NACC2: variants seen among roughly 807,000 people sequenced by gnomAD.
NACC2 encodes nucleus accumbens-associated protein 2.
A neutral mutation model predicts 25.1 loss-of-function variants in NACC2; 8 were observed. That is an observed-to-expected ratio of 0.32 (90% CI 0.19 to 0.57). The LOEUF is 0.57. Among genes scored for constraint, NACC2 ranks in the 20% least tolerant of loss-of-function variants. The pLI is 0.89. For synonymous variants in NACC2, 435 were observed against 294.7 expected (o/e 1.48, Z -4.88); for missense variants, 644 against 650.2 (o/e 0.99, Z 0.10).
At position 136,061,202 on chromosome 9, in the gene NACC2, G is replaced by C. The variant is rs140186110; in HGVS notation, c.-59-10622C>G. 8.6e-3 allele frequency among the ~76,000 whole-genome samples: 1,316 copies of C among 152,270 alleles called. 9 individuals are homozygous for C. Among genetic ancestry groups the C allele is most frequent in the Middle Eastern group, 0.034 (10 of 294 alleles). On this transcript the variant is annotated intron_variant, in intron 1 of 5. Coordinates refer to ENST00000277554, the MANE Select transcript of NACC2 (RefSeq NM_144653.5). ...AGCTCAGACTGTGCCGGCTACCGGG[G>C]TCTCCCACTGCCTGGTCGGGAGGGA... is the stretch of plus-strand genomic sequence containing the variant.
At chr9:136,024,410 G>A (rs1237249542) in intron 2 of NACC2, among the ~76,000 whole-genome samples, 1 of 146,374 alleles carries the variant, frequency 6.8e-6, no homozygotes, top group African/African-American at 2.5e-5. Flanking sequence ...AGGACAGAGT[G>A]TGTGTGTGTG....
At chr9:136,024,507 G>GTT (rs1840355812) in intron 2 of NACC2, among the ~76,000 whole-genome samples, 1 of 65,706 alleles carries the variant, frequency 1.5e-5, no homozygotes, top group Non-Finnish European at 3.5e-5. Flanking sequence ...GACAGAATGT[G>GTT]TGTGTGTGTG....
chr9:136,011,194 G>C lies in NACC2; in HGVS notation c.*322C>G, dbSNP rs1840099987. On this transcript the variant is annotated 3_prime_UTR_variant, in exon 6 of 6. Coordinates refer to ENST00000277554, the MANE Select transcript of NACC2 (RefSeq NM_144653.5). ...CAGGAAGGGCAGGGAGGAAGGGGCA[G>C]GGCTGGGCACCAGGGGCCTGGCGGC... The C allele has an allele frequency of 5.0e-6, 1 of 201,306 alleles. No homozygotes were observed. The highest frequency in any genetic ancestry group is 9.9e-6 in the Non-Finnish European group (1 of 101,288). The allele number at this position is 201,306 out of a possible 1,614,324, so 12.5% of individuals were successfully genotyped here. A position where few individuals can be genotyped will look rare whatever the true frequency, so the allele number is the denominator to read the frequency against.
intron 1 of NACC2, among the ~76,000 whole-genome samples, chr9:136,082,962 G>A (rs1830339297): frequency 6.6e-6 from 1 of 152,244 alleles, no homozygotes; most frequent in East Asian, 1.9e-4. Context: ...AGATATCAGG[G>A]CGAGGGGGAA....
chr9:136,042,934 A>G (rs1840665573), intron 2 of NACC2, among the ~76,000 whole-genome samples: 5 of 151,526 alleles, frequency 3.3e-5, no homozygotes, highest in Admixed American at 3.3e-4. Flanking sequence ...AGACACACAC[A>G]GAGACAGACA....
intron 1 of NACC2, among the ~76,000 whole-genome samples, chr9:136,062,745 T>A (rs1196423704): frequency 6.6e-6 from 1 of 151,986 alleles, no homozygotes; most frequent in Non-Finnish European, 1.5e-5. Flanking sequence ...CGAAACCCCA[T>A]CTCTACAAAA....
intron 2 of NACC2, among the ~76,000 whole-genome samples, chr9:136,026,522 G>A (rs529382257): frequency 3.9e-5 from 6 of 152,154 alleles, no homozygotes; most frequent in South Asian, 2.1e-4. Flanking sequence ...TCCCCAGACC[G>A]ACCAAGGACA....
At chr9:136,051,363 A>AC in intron 1 of NACC2, among the ~76,000 whole-genome samples, 1 of 151,492 alleles carries the variant, frequency 6.6e-6, no homozygotes, top group Non-Finnish European at 1.5e-5. Flanking sequence ...GACGCCCCCC[A>AC]CCCCGCTCGC....
At chr9:136,053,180 A>T (rs1181068406) in intron 1 of NACC2, among the ~76,000 whole-genome samples, 1 of 151,914 alleles carries the variant, frequency 6.6e-6, no homozygotes, top group Non-Finnish European at 1.5e-5. Flanking sequence ...CCTGCCCCTC[A>T]CTCCCGGCGC....
At chr9:136,048,868 G>A (rs897871850) in intron 2 of NACC2, among the ~76,000 whole-genome samples, 4 of 152,202 alleles carry the variant, frequency 2.6e-5, no homozygotes, top group Non-Finnish European at 5.9e-5. Context: ...CTGCCCCTCG[G>A]GGTCCACCAC....
chr9:136,071,542 C>CAAAAAAA (rs34087690), intron 1 of NACC2, among the ~76,000 whole-genome samples: 4 of 83,284 alleles, frequency 4.8e-5, no homozygotes, highest in Non-Finnish European at 6.7e-5. Context: ...GACTCCATCT[C>CAAAAAAA]AAAAAAAAAA....
intron 2 of NACC2, among the ~76,000 whole-genome samples, chr9:136,035,867 G>A (rs1041481563): frequency 2.6e-5 from 4 of 152,264 alleles, no homozygotes; most frequent in Non-Finnish European, 4.4e-5. Flanking sequence ...GAAGTTCTCC[G>A]TACTTATCTT....
intron 1 of NACC2, among the ~76,000 whole-genome samples, chr9:136,054,163 G>C: frequency 6.6e-6 from 1 of 152,238 alleles, no homozygotes; most frequent in Non-Finnish European, 1.5e-5. Context: ...CTGGGCAGGA[G>C]AGCAGCTCTC....
intron 2 of NACC2, among the ~76,000 whole-genome samples, chr9:136,030,233 G>A (rs1158911567): frequency 6.6e-6 from 1 of 152,008 alleles, no homozygotes; most frequent in Non-Finnish European, 1.5e-5. Flanking sequence ...TAGTTTGCAG[G>A]CTGTACAAAA....
Position 136,018,381 on chromosome 9 carries a change from TG to T in NACC2, c.887-1953del, listed in dbSNP as rs921569660. 6.6e-6 allele frequency among the ~76,000 whole-genome samples: 1 copy of T among 151,990 alleles called. No individual in the cohort carries two copies. Among genetic ancestry groups the T allele is most frequent in the Admixed American group, 6.5e-5 (1 of 15,270 alleles). ...CAGGGAGGGGCAGGCCACCCAGCCC[TG>T]GGGGGCTGAAACCTTGGTTTCTGAG... On this transcript the variant is annotated intron_variant, in intron 2 of 5. Transcript: ENST00000277554. This position sits in a 1 kb window ranked among gnomAD's most constrained non-coding sequence, Gnocchi z 4.4.
At chr9:136,088,968 T>A (rs546575876) in intron 1 of NACC2, among the ~76,000 whole-genome samples, 26 of 152,372 alleles carry the variant, frequency 1.7e-4, no homozygotes, top group South Asian at 6.2e-4. Flanking sequence ...GATCTCGGCA[T>A]CGCGTGGAGC....
intron 1 of NACC2, among the ~76,000 whole-genome samples, chr9:136,058,123 G>T (rs1482474592): frequency 6.6e-6 from 1 of 152,158 alleles, no homozygotes; most frequent in African/African-American, 2.4e-5. Context: ...GCCCAATGAC[G>T]CCTGGAGCCA....
chr9:136,079,939 G>A (rs961295398), intron 1 of NACC2, among the ~76,000 whole-genome samples: 7 of 152,232 alleles, frequency 4.6e-5, no homozygotes, highest in Non-Finnish European at 8.8e-5. Flanking sequence ...TTTTGGAGCT[G>A]TTCCCCAGGG....
intron 2 of NACC2, among the ~76,000 whole-genome samples, chr9:136,044,154 C>T (rs995851669): frequency 1.2e-4 from 19 of 152,028 alleles, no homozygotes; most frequent in East Asian, 3.9e-4. Context: ...GCAAAAAAGG[C>T]GGGGAGGAGA....
Sources: gnomAD v4.1 joint callset for allele counts (sites outside exome capture counted in the v4.1 genomes callset) on GRCh38, gnomAD v4.1.1 for gene constraint, Gnocchi (gnomAD v3.1) non-coding constraint, MANE v1.5 for transcripts, NCBI Gene and HGNC (gene_info 2026-07-23, HGNC 2026-07-21) for gene names.